AATF: variants seen among roughly 807,000 people sequenced by gnomAD.
AATF encodes the protein protein AATF.
Under a neutral mutation model 63.7 loss-of-function variants are expected in AATF, and 48 were observed. The ratio of observed to expected loss-of-function variants is 0.75; its 90% CI spans 0.60 to 0.96. The LOEUF (loss-of-function observed/expected upper bound fraction) is 0.96, where lower values mean the gene tolerates loss of function less well. Among genes scored for constraint, AATF ranks in the 40% least tolerant of loss-of-function variants. The probability of loss-of-function intolerance (pLI) is 0.00; values close to 1 mark genes in which losing one functional copy is unlikely to be tolerated. For missense variants in AATF, 639 were observed against 685.7 expected (o/e 0.93, Z 0.76); for synonymous variants, 258 against 247.7 (o/e 1.04, Z -0.39).
intron 4 of AATF, among the ~76,000 whole-genome samples, chr17:36,978,439 A>G (rs565887409): frequency 6.6e-6 from 1 of 152,236 alleles, no homozygotes; most frequent in South Asian, 2.1e-4. Flanking sequence ...CTGAGATATG[A>G]AAACCCACGT....
intron 4 of AATF, among the ~76,000 whole-genome samples, chr17:36,962,925 C>A (rs1387941331): frequency 6.6e-6 from 1 of 152,124 alleles, no homozygotes; most frequent in Non-Finnish European, 1.5e-5. Context: ...TGTTCGAGAC[C>A]AGTTCAACAT....
chr17:36,949,427 G>A (rs947937953), intron 1 of AATF, among the ~76,000 whole-genome samples: 2 of 152,384 alleles, frequency 1.3e-5, no homozygotes, highest in East Asian at 3.9e-4. Flanking sequence ...TGCTCGGCTG[G>A]ATGGGCGGAA....
At chr17:36,965,778 TGCA>T (rs2070986804) in intron 4 of AATF, among the ~76,000 whole-genome samples, 1 of 152,168 alleles carries the variant, frequency 6.6e-6, no homozygotes, top group Admixed American at 6.5e-5. Context: ...CATGGCTCAC[TGCA>T]GCCTCGAACT....
chr17:36,959,966 T>C (rs1348752590), intron 4 of AATF, among the ~76,000 whole-genome samples: 1 of 152,180 alleles, frequency 6.6e-6, no homozygotes, highest in Non-Finnish European at 1.5e-5. Context: ...TCTCATATCT[T>C]TGTGGTCCTT....
intron 4 of AATF, among the ~76,000 whole-genome samples, chr17:36,969,638 T>C (rs753936255): frequency 2.6e-5 from 4 of 152,196 alleles, no homozygotes; most frequent in Non-Finnish European, 5.9e-5. Context: ...TATTTGTCCA[T>C]TTGCTTTTTC....
At chr17:37,009,092 A>C (rs1311677029) in intron 8 of AATF, among the ~76,000 whole-genome samples, 1 of 151,754 alleles carries the variant, frequency 6.6e-6, no homozygotes, top group East Asian at 1.9e-4. Flanking sequence ...TCAAAGAATG[A>C]GTTTAAATAG....
At chr17:37,011,217 A>T (rs1351649677) in intron 8 of AATF, among the ~76,000 whole-genome samples, 2 of 152,160 alleles carry the variant, frequency 1.3e-5, no homozygotes, top group African/African-American at 4.8e-5. Flanking sequence ...CTAAAAATTT[A>T]TACAAAAATT....
chr17:36,962,730 A>G (rs1372743190), intron 4 of AATF, among the ~76,000 whole-genome samples: 5 of 152,144 alleles, frequency 3.3e-5, no homozygotes, highest in African/African-American at 1.2e-4. Context: ...CTGTGTCACT[A>G]TATTCATGGT....
intron 10 of AATF, among the ~76,000 whole-genome samples, chr17:37,031,185 A>ATG (rs71368438): frequency 6.6e-6 from 1 of 152,134 alleles, no homozygotes. Flanking sequence ...GGGGAAAGGA[A>ATG]TGTCTGTACC....
chr17:36,981,354 G>A (rs557599773), intron 4 of AATF, among the ~76,000 whole-genome samples: 2 of 151,918 alleles, frequency 1.3e-5, no homozygotes, highest in Non-Finnish European at 1.5e-5. Context: ...TTCTCTGGGT[G>A]GTTGTTGATT....
intron 11 of AATF, among the ~76,000 whole-genome samples, chr17:37,037,482 G>C (rs961174533): frequency 1.3e-5 from 2 of 152,204 alleles, no homozygotes; most frequent in Admixed American, 6.5e-5. Flanking sequence ...TTGCAGGGCT[G>C]TTGTTCACTT....
intron 4 of AATF, among the ~76,000 whole-genome samples, 173 bp from the exon 5 acceptor site, chr17:36,986,444 G>A (rs1303847408): frequency 2.6e-5 from 4 of 152,168 alleles, no homozygotes; most frequent in Admixed American, 6.5e-5. Context: ...GGTAGGCAAC[G>A]TTGTTATTTC....
intron 4 of AATF, among the ~76,000 whole-genome samples, chr17:36,963,980 C>T (rs2070969486): frequency 6.6e-6 from 1 of 151,976 alleles, no homozygotes; most frequent in South Asian, 2.1e-4. Context: ...AGTTCAGGAC[C>T]AGCCTGGGCA....
intron 5 of AATF, among the ~76,000 whole-genome samples, chr17:36,988,059 A>G (rs1223253663): frequency 6.6e-6 from 1 of 152,180 alleles, no homozygotes; most frequent in Non-Finnish European, 1.5e-5. Context: ...ATGCCCTGTA[A>G]TCCCAGCACT....
At chr17:36,956,540 G>A (rs2070901750) in intron 4 of AATF, among the ~76,000 whole-genome samples, 2 of 152,104 alleles carry the variant, frequency 1.3e-5, no homozygotes, top group Admixed American at 6.6e-5. Flanking sequence ...AAGTGTGGTG[G>A]CAGGTGCCTG....
At chr17:36,983,165 C>T (rs1297420451) in intron 4 of AATF, among the ~76,000 whole-genome samples, 5 of 152,130 alleles carry the variant, frequency 3.3e-5, no homozygotes. Flanking sequence ...CCTCAGCCTC[C>T]CAAGTAGCTA....
intron 10 of AATF, among the ~76,000 whole-genome samples, chr17:37,028,952 AATAT>A (rs146684070): frequency 6.6e-6 from 1 of 151,172 alleles, no homozygotes; most frequent in African/African-American, 2.4e-5. Context: ...AAATTGTGTG[AATAT>A]ATATATATAT....
intron 8 of AATF, among the ~76,000 whole-genome samples, chr17:36,996,189 T>A (rs1236933386): frequency 6.6e-6 from 1 of 152,120 alleles, no homozygotes; most frequent in Non-Finnish European, 1.5e-5. Flanking sequence ...CTCAGCACTT[T>A]GGGAGGCCAA....
intron 10 of AATF, among the ~76,000 whole-genome samples, chr17:37,021,819 A>AAATAAT (rs909047085): frequency 1.0e-5 from 1 of 96,530 alleles, no homozygotes; most frequent in South Asian, 2.5e-4. Context: ...AAAAAAAAAA[A>AAATAAT]AATAATAATA....
Sources: allele counts gnomAD v4.1 joint callset (sites outside exome capture counted in the v4.1 genomes callset), GRCh38; gene constraint gnomAD v4.1.1; transcripts MANE v1.5; gene names NCBI Gene and HGNC (gene_info 2026-07-23, HGNC 2026-07-21).